Variants in SPOCK1 observed in about 807,000 individuals in gnomAD.
The protein encoded by SPOCK1 is SPARC (osteonectin), cwcv and kazal like domains proteoglycan 1, also known as testican-1.
A neutral mutation model predicts 55.3 loss-of-function variants in SPOCK1; 23 were observed. That is an observed-to-expected ratio of 0.42 (90% CI 0.30 to 0.59). The LOEUF (loss-of-function observed/expected upper bound fraction) is 0.59, where lower values mean the gene tolerates loss of function less well. SPOCK1 is among the 20% of genes least tolerant of loss of function. SPOCK1 has a pLI of 0.22. For synonymous variants in SPOCK1, 226 were observed against 221.0 expected, an observed-to-expected ratio of 1.02 and a Z score of -0.20; for missense variants, 499 against 552.5, an observed-to-expected ratio of 0.90 and a Z score of 0.97.
chr5:137,120,104 C>T (rs1753657649), intron 4 of SPOCK1, among the ~76,000 whole-genome samples: 1 of 152,158 alleles, frequency 6.6e-6, no homozygotes, highest in Non-Finnish European at 1.5e-5. Flanking sequence ...GCTGGGAGGT[C>T]AACCACAGGA....
chr5:137,464,460 A>T (rs557549876), intron 2 of SPOCK1, among the ~76,000 whole-genome samples: 4 of 152,144 alleles, frequency 2.6e-5, no homozygotes, highest in African/African-American at 9.6e-5. Flanking sequence ...ATTATAATTT[A>T]AAAAAAATTA....
At chr5:137,408,182 C>A (rs558042961) in intron 2 of SPOCK1, among the ~76,000 whole-genome samples, 1 of 152,308 alleles carries the variant, frequency 6.6e-6, no homozygotes, top group South Asian at 2.1e-4. Flanking sequence ...CCCACAAGGC[C>A]CATGAGAACA....
At chr5:137,104,215 G>C (rs1288844318) in intron 5 of SPOCK1, among the ~76,000 whole-genome samples, 3 of 152,102 alleles carry the variant, frequency 2.0e-5, no homozygotes, top group African/African-American at 7.2e-5. Context: ...GTTCTCAGGA[G>C]ATCTGTTTGT....
intron 3 of SPOCK1, among the ~76,000 whole-genome samples, chr5:137,191,479 T>G (rs1252551139): frequency 2.6e-5 from 4 of 152,100 alleles, no homozygotes; most frequent in Non-Finnish European, 5.9e-5. Flanking sequence ...AGAAGTCTAA[T>G]GTACTTGGAC....
chr5:137,451,500 A>G (rs1432124631), intron 2 of SPOCK1, among the ~76,000 whole-genome samples: 1 of 152,244 alleles, frequency 6.6e-6, no homozygotes, highest in Non-Finnish European at 1.5e-5. Flanking sequence ...TACATTAAGC[A>G]TAAACAGACT....
At chr5:137,305,288 G>T (rs1335222906) in intron 2 of SPOCK1, among the ~76,000 whole-genome samples, 1 of 152,124 alleles carries the variant, frequency 6.6e-6, no homozygotes, top group African/African-American at 2.4e-5. Flanking sequence ...TTCACCCTCT[G>T]CCTTGAACAG....
chr5:137,278,874 CAT>C (rs1479090978), intron 2 of SPOCK1, among the ~76,000 whole-genome samples: 1 of 152,164 alleles, frequency 6.6e-6, no homozygotes, highest in East Asian at 1.9e-4. Context: ...GAGCAATGCA[CAT>C]GAGTCCCCAG....
chr5:137,124,393 T>G (rs1173495774), intron 4 of SPOCK1, among the ~76,000 whole-genome samples: 1 of 152,132 alleles, frequency 6.6e-6, no homozygotes, highest in East Asian at 1.9e-4. Context: ...TATTTCTGGC[T>G]GAGTGCGCAA....
At chr5:137,181,136 C>T (rs1032669689) in intron 3 of SPOCK1, among the ~76,000 whole-genome samples, 2 of 152,092 alleles carry the variant, frequency 1.3e-5, no homozygotes, top group African/African-American at 4.8e-5. Flanking sequence ...AGTGAAAACG[C>T]TCGATGGAAG....
chr5:136,978,540 T>TAGAGAGCAACAATGGAGA lies in SPOCK1; in HGVS notation c.*96_*113dup. The TAGAGAGCAACAATGGAGA allele has an allele frequency of 8.5e-7, 1 of 1,181,398 alleles. No homozygotes were observed. The highest frequency in any genetic ancestry group is 1.2e-6 in the Non-Finnish European group (1 of 844,716). The allele number at this position is 1,181,398 out of a possible 1,614,324, so 73.2% of individuals were successfully genotyped here. On this transcript the variant is annotated 3_prime_UTR_variant, in exon 11 of 11. Transcript: ENST00000394945. Reference sequence around the variant, plus strand: ...TGTCTTCCAAACCTTAGGTCGGGTATAGAGAGCAACAATGGAGAAGAGACC... The same window carrying TAGAGAGCAACAATGGAGA: ...TGTCTTCCAAACCTTAGGTCGGGTATAGAGAGCAACAATGGAGAAGAGAGCAACAATGGAGAAGAGACC...
intron 2 of SPOCK1, among the ~76,000 whole-genome samples, chr5:137,316,472 C>T (rs960701956): frequency 2.6e-5 from 4 of 152,150 alleles, no homozygotes; most frequent in African/African-American, 7.2e-5. Context: ...TCAAGGAATT[C>T]GAGCAAAGTT....
chr5:137,392,470 A>C (rs1751746412), intron 2 of SPOCK1, among the ~76,000 whole-genome samples: 1 of 152,158 alleles, frequency 6.6e-6, no homozygotes, highest in Non-Finnish European at 1.5e-5. Flanking sequence ...AGTCTTAGCA[A>C]ATCTCACTCA....
chr5:136,995,401 G>C (rs896017040), intron 6 of SPOCK1, among the ~76,000 whole-genome samples: 2 of 152,176 alleles, frequency 1.3e-5, no homozygotes, highest in Non-Finnish European at 2.9e-5. Context: ...AGATCCTCAG[G>C]AGCAGGCCCT....
At chr5:137,200,303 A>G (rs1314197930) in intron 3 of SPOCK1, among the ~76,000 whole-genome samples, 2 of 152,136 alleles carry the variant, frequency 1.3e-5, no homozygotes, top group Non-Finnish European at 2.9e-5. Flanking sequence ...GTCTTTGCTC[A>G]TTGGCAGCTT....
intron 4 of SPOCK1, among the ~76,000 whole-genome samples, chr5:137,116,267 T>A (rs966305798): frequency 1.3e-5 from 2 of 152,236 alleles, no homozygotes; most frequent in African/African-American, 4.8e-5. Context: ...TTAAAAAGTA[T>A]AATCAAATTC....
chr5:137,160,646 T>TA (rs1754534281), intron 3 of SPOCK1, among the ~76,000 whole-genome samples: 1 of 93,532 alleles, frequency 1.1e-5, no homozygotes, highest in African/African-American at 4.2e-5. Context: ...TAATATATAT[T>TA]TTATATAATA....
At chr5:136,982,251 TA>T (rs1561569936) in intron 9 of SPOCK1, among the ~76,000 whole-genome samples, 1 of 152,226 alleles carries the variant, frequency 6.6e-6, no homozygotes, top group Non-Finnish European at 1.5e-5. Flanking sequence ...ATGATTGCAT[TA>T]TAAAAAACAG....
chr5:137,096,627 G>A (rs1474628596), intron 5 of SPOCK1, among the ~76,000 whole-genome samples: 1 of 152,218 alleles, frequency 6.6e-6, no homozygotes, highest in African/African-American at 2.4e-5. Context: ...AATCATCACA[G>A]CACATAGTTG....
intron 6 of SPOCK1, among the ~76,000 whole-genome samples, chr5:137,052,314 C>T (rs972152903): frequency 1.3e-5 from 2 of 152,162 alleles, no homozygotes; most frequent in African/African-American, 4.8e-5. Flanking sequence ...AGTCACCTAC[C>T]GTTAAACTAA....
Sources: gnomAD v4.1 joint callset for allele counts (sites outside exome capture counted in the v4.1 genomes callset) on GRCh38, gnomAD v4.1.1 for gene constraint, MANE v1.5 for transcripts, NCBI Gene and HGNC (gene_info 2026-07-23, HGNC 2026-07-21) for gene names.